MAK16: variants seen among roughly 807,000 people sequenced by gnomAD.
The protein encoded by MAK16 is MAK16 homolog, also known as protein MAK16 homolog.
In MAK16, 12 loss-of-function variants were observed where a neutral mutation model predicts 49.9. The ratio of observed to expected loss-of-function variants is 0.24; its 90% confidence interval spans 0.15 to 0.39. The LOEUF is 0.39. MAK16 is among the 10% of genes least tolerant of loss of function. The pLI is 1.00. For synonymous variants in MAK16, 115 were observed against 126.4 expected (o/e 0.91, Z 0.60); for missense variants, 292 against 363.7 (o/e 0.80, Z 1.60).
intron 9 of MAK16, among the ~76,000 whole-genome samples, chr8:33,497,585 C>G (rs148274973): frequency 6.6e-6 from 1 of 152,004 alleles, no homozygotes; most frequent in South Asian, 2.1e-4. Context: ...CTCAGCCTCC[C>G]GGGTTCAAGC....
chr8:33,494,266 G>T (rs752880154), intron 6 of MAK16, among the ~76,000 whole-genome samples: 1 of 152,090 alleles, frequency 6.6e-6, no homozygotes, highest in Admixed American at 6.6e-5. Flanking sequence ...GTAGAGACGG[G>T]GTTTCACGAC....
chr8:33,485,474 C>A (rs967343781), intron 1 of MAK16: 4 of 564,274 alleles, frequency 7.1e-6, no homozygotes, highest in Middle Eastern at 3.3e-4. Flanking sequence ...TCCCGTCCTT[C>A]GTGCCTACCA....
At chr8:33,496,950 A>G (rs1242761804) in intron 8 of MAK16, among the ~76,000 whole-genome samples, 1 of 152,200 alleles carries the variant, frequency 6.6e-6, no homozygotes, top group Non-Finnish European at 1.5e-5. Context: ...GGTCTTCTAA[A>G]ATTGTTCCTG....
chr8:33,486,149 G>C (rs1196518296), intron 1 of MAK16, among the ~76,000 whole-genome samples: 1 of 152,214 alleles, frequency 6.6e-6, no homozygotes, highest in Non-Finnish European at 1.5e-5. Context: ...AATCTTGTAG[G>C]AAGTGTTTTT....
chr8:33,491,542 T>C lies in MAK16; in HGVS notation c.447+1203T>C, dbSNP rs573793664. 3.9e-5 allele frequency among the ~76,000 whole-genome samples: 6 copies of C among 152,296 alleles called. No individual in the cohort carries two copies. In the South Asian group the frequency reaches 1.2e-3, roughly 32 times the overall value. ...CTGATGATCAATGATGTTGAACACC[T>C]TTTCATATGCCTGTTTGCCATTTGT... On this transcript the variant is annotated intron_variant, in intron 6 of 9. Coordinates refer to ENST00000360128, the MANE Select transcript of MAK16 (RefSeq NM_032509.4).
chr8:33,500,418 G>T lies in MAK16; in HGVS notation c.*1789G>T. 1 of 1,614,124 alleles carries T rather than the reference G, an allele frequency of 6.2e-7. No homozygotes were observed. The highest frequency in any genetic ancestry group is 8.5e-7 in the Non-Finnish European group (1 of 1,180,006). On this transcript the variant is annotated 3_prime_UTR_variant, in exon 10 of 10. Transcript: ENST00000360128. The stretch of plus-strand genomic sequence containing the variant: ...CGCTCTTAACAGACTCAGGTGTAAG[G>T]TTTGGATCCCTTGCTACATCACAAA...
chr8:33,489,609 AC>A lies in MAK16; in HGVS notation c.392+472del, dbSNP rs1041546137. On this transcript the variant is annotated intron_variant, in intron 5 of 9. Coordinates refer to ENST00000360128, the MANE Select transcript of MAK16 (RefSeq NM_032509.4). The surrounding 1 kb of genome is among the most constrained non-coding windows in gnomAD (Gnocchi z 4.2). ...TGGCCAGGCTGGTCTAGAATTCCTG[AC>A]CTCAAGCGATCCGCCTTAGCCTCCC... Among the ~76,000 whole-genome samples, 1 of 152,018 alleles carries A rather than the reference AC, an allele frequency of 6.6e-6. No individual in the cohort carries two copies. The highest frequency in any genetic ancestry group is 2.4e-5 in the African/African-American group (1 of 41,390).
chr8:33,485,953 T>C (rs1007612501), intron 1 of MAK16, among the ~76,000 whole-genome samples: 3 of 152,140 alleles, frequency 2.0e-5, no homozygotes, highest in Admixed American at 2.0e-4. Context: ...AGAAGATGTT[T>C]GAGTTGAGAT....
At chr8:33,485,486 T>A in intron 1 of MAK16, 2 of 530,346 alleles carry the variant, frequency 3.8e-6, no homozygotes, top group Non-Finnish European at 3.4e-6. Flanking sequence ...TGCCTACCAA[T>A]GCAGGACGTC....
In MAK16 at chr8:33,494,891, G is replaced by C. The variant is rs997616142; in HGVS notation, c.448-651G>C. On this transcript the variant is annotated intron_variant, in intron 6 of 9. Coordinates refer to ENST00000360128, the MANE Select transcript of MAK16 (RefSeq NM_032509.4). ...CCTCCTGGGTTCACACCATTCTCCT[G>C]CCTCAGCCTCCCGAGTAGCTGGGAC... Among the ~76,000 whole-genome samples the C allele has an allele frequency of 2.0e-5, 3 of 152,008 alleles. No homozygotes were observed. The South Asian group carries it at 6.2e-4, about 31-fold the overall frequency.
intron 6 of MAK16, among the ~76,000 whole-genome samples, chr8:33,491,540 C>T (rs1470031539): frequency 6.6e-6 from 1 of 151,966 alleles, no homozygotes; most frequent in East Asian, 1.9e-4. Flanking sequence ...ATGTTGAACA[C>T]CTTTTCATAT....
chr8:33,492,440 C>T (rs931783389), intron 6 of MAK16, among the ~76,000 whole-genome samples: 4 of 152,124 alleles, frequency 2.6e-5, no homozygotes, highest in Admixed American at 6.5e-5. Flanking sequence ...TCCATTTTTG[C>T]TTTGGTTACC....
intron 1 of MAK16, among the ~76,000 whole-genome samples, chr8:33,487,807 CAA>C (rs1014938408): frequency 6.6e-6 from 1 of 151,894 alleles, no homozygotes; most frequent in African/African-American, 2.4e-5. Context: ...CAGAGTATGT[CAA>C]AAAAAGTCTG....
chr8:33,490,254 T>C (rs2128823715), intron 5 of MAK16, 31 bp from the exon 6 acceptor site: 1 of 1,577,856 alleles, frequency 6.3e-7, no homozygotes, highest in East Asian at 2.2e-5. Flanking sequence ...CACATGACAG[T>C]GGATTTTCTG....
In MAK16 at chr8:33,499,812, T is replaced by G. The variant is rs1031268494; in HGVS notation, c.*1183T>G. 2 of 160,030 alleles carry G rather than the reference T, an allele frequency of 1.2e-5. No individual in the cohort carries two copies. The highest frequency in any genetic ancestry group is 6.1e-5 in the Admixed American group (1 of 16,332). The allele number at this position is 160,030 out of a possible 1,614,324, so 9.9% of individuals were successfully genotyped here. A position where few individuals can be genotyped will look rare whatever the true frequency, so the allele number is the denominator to read the frequency against. On this transcript the variant is annotated 3_prime_UTR_variant, in exon 10 of 10. Coordinates refer to ENST00000360128, the MANE Select transcript of MAK16 (RefSeq NM_032509.4). ...TAAATACATAGAAGTACACAGCTAT[T>G]ATATGCTGTGGCTTTGAGAAGTTAA...
In MAK16 at chr8:33,499,307, A is replaced by ATT. The variant is rs368990473; in HGVS notation, c.*690_*691dup. The ATT allele has an allele frequency of 1.1e-4, 141 of 1,227,744 alleles. No homozygotes were observed. Among genetic ancestry groups the ATT allele is most frequent in the Admixed American group, 2.3e-4 (12 of 51,364 alleles). The allele number at this position is 1,227,744 out of a possible 1,614,324, so 76.1% of individuals were successfully genotyped here. ...AACATGAAACCAAACAGGCTTTGAT[A>ATT]TTTTTTTTTTTTTAATTACTTTCCC... On this transcript the variant is annotated 3_prime_UTR_variant, in exon 10 of 10. Coordinates refer to ENST00000360128, the MANE Select transcript of MAK16 (RefSeq NM_032509.4).
chr8:33,499,298 G>C lies in MAK16; in HGVS notation c.*669G>C, dbSNP rs777550381. On this transcript the variant is annotated 3_prime_UTR_variant, in exon 10 of 10. Coordinates refer to ENST00000360128, the MANE Select transcript of MAK16 (RefSeq NM_032509.4). ...AGACCCTGAAACATGAAACCAAACA[G>C]GCTTTGATATTTTTTTTTTTTTAAT... 1 of 1,558,730 alleles carries C rather than the reference G, an allele frequency of 6.4e-7. No homozygotes were observed. The highest frequency in any genetic ancestry group is 8.8e-7 in the Non-Finnish European group (1 of 1,130,904).
chr8:33,491,333 T>G (rs1267512446), intron 6 of MAK16, among the ~76,000 whole-genome samples: 1 of 152,188 alleles, frequency 6.6e-6, no homozygotes, highest in Admixed American at 6.5e-5. Flanking sequence ...AGCTCTAGTT[T>G]TAGTTTTTTG....
intron 9 of MAK16, among the ~76,000 whole-genome samples, chr8:33,497,683 G>A (rs1409501442): frequency 2.0e-5 from 3 of 151,588 alleles, no homozygotes; most frequent in South Asian, 4.2e-4. Flanking sequence ...TAGTAGACAC[G>A]GGGTTTCACC....
Sources: allele counts gnomAD v4.1 joint callset (sites outside exome capture counted in the v4.1 genomes callset), GRCh38; gene constraint gnomAD v4.1.1; non-coding constraint Gnocchi (gnomAD v3.1); transcripts MANE v1.5; gene names NCBI Gene and HGNC (gene_info 2026-07-23, HGNC 2026-07-21).